USP32: variants seen among roughly 807,000 people sequenced by gnomAD.
USP32 encodes ubiquitin specific peptidase 32, also known as ubiquitin carboxyl-terminal hydrolase 32.
A neutral mutation model predicts 204.8 loss-of-function variants in USP32; 59 were observed. That is an observed-to-expected ratio of 0.29 (90% CI 0.23 to 0.36). USP32 has a LOEUF of 0.36. USP32 is among the 10% of genes least tolerant of loss of function. The probability of loss-of-function intolerance (pLI) is 1.00; values close to 1 mark genes in which losing one functional copy is unlikely to be tolerated. For synonymous variants in USP32, 517 were observed against 678.4 expected (o/e 0.76, Z 3.70); for missense variants, 1,160 against 1,946.4 (o/e 0.60, Z 7.60).
At chr17:60,232,565 T>TA (rs2085598214) in intron 12 of USP32, among the ~76,000 whole-genome samples, 1 of 137,000 alleles carries the variant, frequency 7.3e-6, no homozygotes, top group Non-Finnish European at 1.5e-5. Flanking sequence ...TTTTTTTTTT[T>TA]AAATACAGTC....
At chr17:60,262,755 A>G (rs1419926340) in intron 9 of USP32, among the ~76,000 whole-genome samples, 1 of 152,176 alleles carries the variant, frequency 6.6e-6, no homozygotes, top group Non-Finnish European at 1.5e-5. Flanking sequence ...TTTACTGTAC[A>G]GTCCTATACA....
At chr17:60,391,167 C>G (rs1378201809) in intron 1 of USP32, among the ~76,000 whole-genome samples, 1 of 152,134 alleles carries the variant, frequency 6.6e-6, no homozygotes, top group Non-Finnish European at 1.5e-5. Flanking sequence ...AGGGATGGAG[C>G]GAGAACTGGG....
intron 2 of USP32, among the ~76,000 whole-genome samples, chr17:60,320,470 C>T (rs62082064): frequency 6.6e-6 from 1 of 152,196 alleles, no homozygotes; most frequent in Non-Finnish European, 1.5e-5. Flanking sequence ...CACACTCACG[C>T]AGACATCCAC....
intron 5 of USP32, 128 bp downstream of exon 5, chr17:60,288,395 G>A: frequency 8.9e-7 from 1 of 1,129,256 alleles, no homozygotes; most frequent in Non-Finnish European, 1.2e-6. Flanking sequence ...AGCCACGATG[G>A]TGCCACTGCA....
chr17:60,273,159 G>A (rs2086762365), intron 5 of USP32, among the ~76,000 whole-genome samples: 1 of 152,138 alleles, frequency 6.6e-6, no homozygotes, highest in Non-Finnish European at 1.5e-5. Flanking sequence ...TTTTAGTAGA[G>A]ATGGAGTTTC....
chr17:60,303,169 A>T (rs1167015327), intron 2 of USP32, among the ~76,000 whole-genome samples: 1 of 152,212 alleles, frequency 6.6e-6, no homozygotes, highest in African/African-American at 2.4e-5. Flanking sequence ...AGTATTTTTT[A>T]AAAAACCAAA....
At chr17:60,352,315 C>T (rs1055741187) in intron 1 of USP32, among the ~76,000 whole-genome samples, 2 of 152,128 alleles carry the variant, frequency 1.3e-5, no homozygotes, top group African/African-American at 4.8e-5. Flanking sequence ...ATGGCTGCAT[C>T]TCCAGCAGCC....
At chr17:60,247,544 T>C (rs1231234829) in intron 11 of USP32, among the ~76,000 whole-genome samples, 1 of 152,214 alleles carries the variant, frequency 6.6e-6, no homozygotes, top group Non-Finnish European at 1.5e-5. Flanking sequence ...TTCATTCTTC[T>C]GCACGTGGAT....
intron 2 of USP32, 93 bp downstream of exon 2, chr17:60,345,388 A>G: frequency 6.6e-7 from 1 of 1,523,614 alleles, no homozygotes; most frequent in Non-Finnish European, 8.8e-7. Flanking sequence ...TACAGGTAAG[A>G]TTAAATCTGT....
At chr17:60,347,107 A>AG (rs747629886) in intron 1 of USP32, among the ~76,000 whole-genome samples, 6 of 152,210 alleles carry the variant, frequency 3.9e-5, no homozygotes, top group Admixed American at 6.5e-5. Flanking sequence ...CTACAAGAAA[A>AG]GGAGCTAAAT....
intron 29 of USP32, among the ~76,000 whole-genome samples, chr17:60,187,357 G>A (rs928312674): frequency 1.3e-5 from 2 of 152,122 alleles, no homozygotes; most frequent in African/African-American, 4.8e-5. Flanking sequence ...AATCTGGCTT[G>A]GACTTGGGTT....
At chr17:60,398,369 T>C (rs751043214) in intron 1 of USP32, among the ~76,000 whole-genome samples, 4 of 151,894 alleles carry the variant, frequency 2.6e-5, no homozygotes, top group Non-Finnish European at 5.9e-5. Context: ...CACTCAAGCC[T>C]GGGCAACAGA....
rs1404874439 is a variant in USP32 at position 60,205,608 on chromosome 17, C to T, written c.3088G>A (p.Gly1030Arg). The T allele has an allele frequency of 3.1e-6, 5 of 1,613,906 alleles. No homozygotes were observed. In the East Asian group the frequency reaches 1.1e-4, roughly 36 times the overall value. Residue 1030 changes from glycine to arginine, a missense_variant, in exon 26 of 34, where the codon GGG becomes AGG. This residue lies in a region of USP32 where 47 missense variants were observed against 71.1 expected (regional missense o/e 0.66). Transcript: ENST00000300896. Reference sequence around the variant, plus strand: ...ATGAATATTGGTCGGGGTAGGTCCCCATTGGTAGTTAGGGTGAACATTTCA... The same window carrying T: ...ATGAATATTGGTCGGGGTAGGTCCCTATTGGTAGTTAGGGTGAACATTTCA... ...TNEMFTLTTNGDLPRPIFIPN... is the reference protein window; with the variant it reads ...TNEMFTLTTNRDLPRPIFIPN...
chr17:60,345,191 T>C (rs1022735160), intron 2 of USP32, among the ~76,000 whole-genome samples: 3 of 152,198 alleles, frequency 2.0e-5, no homozygotes, highest in Non-Finnish European at 4.4e-5. Context: ...TCACAGAGAT[T>C]AACTTTCTAA....
rs774098713 is a variant in USP32, at chr17:60,288,584, A to T, written c.510T>A (p.Val170=). ...SRWLLSGGVY[V]TLTDDSDTPT... ...GAGTATCACTATCATCAGTGAGGGT[A>T]ACATACACACCTCCAGATAGAAGCC... is the stretch of plus-strand genomic sequence containing the variant. Residue 170 remains valine, a synonymous_variant, in exon 5 of 34, where the codon GTT becomes GTA. Coordinates refer to ENST00000300896, the MANE Select transcript of USP32 (RefSeq NM_032582.4). 22 of 1,613,658 alleles carry T rather than the reference A, an allele frequency of 1.4e-5. No individual in the cohort carries two copies. Among genetic ancestry groups the T allele is most frequent in the Non-Finnish European group, 1.8e-5 (21 of 1,179,886 alleles).
intron 3 of USP32, among the ~76,000 whole-genome samples, chr17:60,296,776 G>T (rs2087440200): frequency 6.6e-6 from 1 of 152,164 alleles, no homozygotes; most frequent in African/African-American, 2.4e-5. Flanking sequence ...ATCTGCAGGT[G>T]CTCAAGCCTC....
chr17:60,192,645 G>T (rs2145414626), intron 28 of USP32, among the ~76,000 whole-genome samples, 199 bp downstream of exon 28: 1 of 152,202 alleles, frequency 6.6e-6, no homozygotes, highest in Middle Eastern at 3.4e-3. Flanking sequence ...AGGTTAGGCT[G>T]GTCTCCTGAT....
chr17:60,202,077 C>T (rs2084691404), intron 26 of USP32, among the ~76,000 whole-genome samples: 1 of 152,134 alleles, frequency 6.6e-6, no homozygotes, highest in South Asian at 2.1e-4. Context: ...AAATTTAGCT[C>T]TATAGAACAC....
At chr17:60,273,792 G>A (rs1199068912) in intron 5 of USP32, among the ~76,000 whole-genome samples, 1 of 151,416 alleles carries the variant, frequency 6.6e-6, no homozygotes, top group Non-Finnish European at 1.5e-5. Flanking sequence ...AACCCCCATC[G>A]CTACTAAAAA....
Sources: allele counts gnomAD v4.1 joint callset (sites outside exome capture counted in the v4.1 genomes callset), GRCh38; gene constraint gnomAD v4.1.1; regional missense constraint gnomAD v4.1.1; transcripts MANE v1.5; gene names NCBI Gene and HGNC (gene_info 2026-07-23, HGNC 2026-07-21).